Variants in AK7 observed in about 807,000 individuals in gnomAD.
The protein encoded by AK7 is adenylate kinase 7, also known as ATP-AMP transphosphorylase 7.
Under a neutral mutation model 96.6 loss-of-function variants are expected in AK7, and 78 were observed. The ratio of observed to expected loss-of-function variants is 0.81; its 90% CI spans 0.67 to 0.97. The LOEUF is 0.97. AK7 is among the 50% of genes least tolerant of loss of function. AK7 has a pLI of 0.00. For missense variants in AK7, 855 were observed against 887.9 expected, an observed-to-expected ratio of 0.96 and a Z score of 0.47; for synonymous variants, 302 against 317.2, an observed-to-expected ratio of 0.95 and a Z score of 0.51.
intron 5 of AK7, among the ~76,000 whole-genome samples, chr14:96,429,972 T>A (rs1892252022): frequency 6.6e-6 from 1 of 152,120 alleles, no homozygotes; most frequent in Non-Finnish European, 1.5e-5. Flanking sequence ...CTTGCCTGAT[T>A]GCCCTGGTCA....
intron 11 of AK7, 127 bp downstream of exon 11, chr14:96,456,602 C>T (rs140214316): frequency 1.8e-6 from 2 of 1,105,278 alleles, no homozygotes; most frequent in South Asian, 1.5e-5. Flanking sequence ...TTGTTGGCAA[C>T]ATCCAAGGTG....
At chr14:96,429,442 C>T (rs145818861) in intron 5 of AK7, among the ~76,000 whole-genome samples, 9 of 151,996 alleles carry the variant, frequency 5.9e-5, no homozygotes, top group South Asian at 2.1e-4. Flanking sequence ...CTTGGCAATG[C>T]GGGCTCTTTT....
chr14:96,409,047 T>TG, intron 4 of AK7, 106 bp downstream of exon 4: 1 of 1,092,788 alleles, frequency 9.2e-7, no homozygotes, highest in South Asian at 1.5e-5. Flanking sequence ...CTCCCACTCC[T>TG]GAATCCTATC....
intron 12 of AK7, among the ~76,000 whole-genome samples, chr14:96,461,432 C>G (rs1407350132): frequency 6.6e-6 from 1 of 152,056 alleles, no homozygotes; most frequent in East Asian, 1.9e-4. Context: ...TTTTAGGAAG[C>G]CACAGTGTAC....
Position 96,478,604 on chromosome 14 carries a change from C to T in AK7, c.1695C>T (p.Ile565=), listed in dbSNP as rs190353433. The change falls in exon 15 of 18, where the codon ATC becomes ATT. Residue 565 remains isoleucine (I), a synonymous_variant. Coordinates refer to ENST00000267584, the MANE Select transcript of AK7 (RefSeq NM_152327.5). The part of the protein sequence containing the change: ...RALSNYRDIN[I]DDETVFNYFD... Reference sequence around the variant, plus strand: ...TGAGCAACTACCGGGACATCAATATCGACGATGAGACTGTCTTCAACTATT... The same window carrying T: ...TGAGCAACTACCGGGACATCAATATTGACGATGAGACTGTCTTCAACTATT... The T allele has an allele frequency of 3.8e-5, 62 of 1,614,150 alleles. No homozygotes were observed. The highest frequency in any genetic ancestry group is 8.0e-5 in the African/African-American group (6 of 75,032).
intron 15 of AK7, among the ~76,000 whole-genome samples, chr14:96,480,971 T>C (rs1320318526): frequency 2.0e-5 from 3 of 152,238 alleles, no homozygotes; most frequent in African/African-American, 7.2e-5. Context: ...TCATCAGCTC[T>C]GGACTCTGCT....
chr14:96,424,313 A>G (rs2140049712), intron 5 of AK7: 1 of 396,286 alleles, frequency 2.5e-6, no homozygotes. Context: ...GAAAAATTAC[A>G]GAGGGCTTAC....
At position 96,487,027 on chromosome 14, in the gene AK7, G is replaced by A. The variant is rs368361362; in HGVS notation, c.2104G>A (p.Val702Ile). The A allele has an allele frequency of 1.6e-4, 266 of 1,613,968 alleles. No homozygotes were observed. The highest frequency in any genetic ancestry group is 4.5e-4 in the Admixed American group (27 of 59,998). ...LIQGLNECCN[V>I]RPEDPVDFLA... ...TCAGGGCCTGAATGAATGTTGCAAC[G>A]TCCGACCCGAAGACCCTGTTGATTT... Residue 702 changes from valine to isoleucine, a missense_variant, in exon 17 of 18, where the codon GTC becomes ATC. Coordinates refer to ENST00000267584, the MANE Select transcript of AK7 (RefSeq NM_152327.5).
At chr14:96,395,718 GAAAAAAAAAA>G (rs71103518) in intron 1 of AK7, among the ~76,000 whole-genome samples, 30 of 41,042 alleles carry the variant, frequency 7.3e-4, no homozygotes, top group Admixed American at 5.5e-3. Context: ...CTTGTCTCTA[GAAAAAAAAAA>G]AAAAAAAAAA....
At chr14:96,483,358 G>A in intron 16 of AK7, 139 bp downstream of exon 16, 1 of 851,440 alleles carries the variant, frequency 1.2e-6, no homozygotes, top group Non-Finnish European at 1.8e-6. Context: ...ATTTGTGTTT[G>A]CTTTTTGTCA....
At chr14:96,434,592 G>C (rs1004491944) in intron 5 of AK7, among the ~76,000 whole-genome samples, 35 of 150,416 alleles carry the variant, frequency 2.3e-4, no homozygotes, top group South Asian at 2.1e-4. Context: ...ACCACTCCCT[G>C]GTTACTGCCT....
At chr14:96,427,960 C>A (rs1892124126) in intron 5 of AK7, among the ~76,000 whole-genome samples, 1 of 151,868 alleles carries the variant, frequency 6.6e-6, no homozygotes. Context: ...GCTTTGAAAA[C>A]CTGTTTACTC....
At position 96,470,951 on chromosome 14, in the gene AK7, C is replaced by T. The variant is rs950902572; in HGVS notation, c.1358-527C>T. 8.5e-5 allele frequency among the ~76,000 whole-genome samples: 13 copies of T among 152,314 alleles called. 1 individual carries two copies. In the South Asian group the frequency reaches 1.5e-3, roughly 17 times the overall value. On this transcript the variant is annotated intron_variant, in intron 12 of 17. Coordinates refer to ENST00000267584, the MANE Select transcript of AK7 (RefSeq NM_152327.5). ...CAGAACACTTTGAAAGTGCAGACAT[C>T]GGCACTCGCCCATGCTCTTTCTTGC... is the stretch of plus-strand genomic sequence containing the variant.
intron 16 of AK7, among the ~76,000 whole-genome samples, chr14:96,486,485 A>T (rs1895778463): frequency 6.6e-6 from 1 of 152,202 alleles, no homozygotes; most frequent in South Asian, 2.1e-4. Context: ...GATGGGCTTA[A>T]ATCCCACTCA....
intron 12 of AK7, among the ~76,000 whole-genome samples, chr14:96,466,460 G>T (rs1053097450): frequency 1.2e-4 from 18 of 151,882 alleles, no homozygotes; most frequent in African/African-American, 4.4e-4. Flanking sequence ...GGATGGTCTC[G>T]ATCTCCTGAC....
chr14:96,454,195 T>C (rs746048630), intron 10 of AK7, among the ~76,000 whole-genome samples: 20 of 152,314 alleles, frequency 1.3e-4, no homozygotes, highest in Non-Finnish European at 2.6e-4. Context: ...ACTTGGTGGA[T>C]GAAATTATAT....
intron 15 of AK7, 36 bp from the exon 16 acceptor site, chr14:96,482,963 A>G (rs554202050): frequency 3.1e-5 from 50 of 1,604,114 alleles, no homozygotes; most frequent in Non-Finnish European, 4.0e-5. Context: ...GGCCTAGAAT[A>G]TAAGTATGTG....
chr14:96,395,718 GAAAAAAAAAAAAAAAA>G (rs71103518), intron 1 of AK7, among the ~76,000 whole-genome samples: 1 of 41,034 alleles, frequency 2.4e-5, no homozygotes, highest in Non-Finnish European at 5.5e-5. Flanking sequence ...CTTGTCTCTA[GAAAAAAAAAAAAAAAA>G]AAAAAAAAAA....
chr14:96,436,724 G>A (rs1892658091), intron 5 of AK7, among the ~76,000 whole-genome samples: 1 of 152,164 alleles, frequency 6.6e-6, no homozygotes, highest in African/African-American at 2.4e-5. Flanking sequence ...GTTCAAGCGA[G>A]TTTTCTGATT....
Sources: gnomAD v4.1 joint callset for allele counts (sites outside exome capture counted in the v4.1 genomes callset) on GRCh38, gnomAD v4.1.1 for gene constraint, MANE v1.5 for transcripts, NCBI Gene and HGNC (gene_info 2026-07-23, HGNC 2026-07-21) for gene names.